The following SLC9C2 variants were observed in gnomAD, a reference collection of about 807,000 sequenced individuals.
SLC9C2 encodes sodium/hydrogen exchanger 11.
SLC9C2 carries 75 observed loss-of-function variants against 140.2 expected under a neutral mutation model. That is an observed-to-expected ratio of 0.53 (90% CI 0.44 to 0.65). The LOEUF (loss-of-function observed/expected upper bound fraction) is 0.65, where lower values mean the gene tolerates loss of function less well. SLC9C2 is among the 30% of genes least tolerant of loss of function. SLC9C2 has a pLI of 0.00. For missense variants in SLC9C2, 1,074 were observed against 1,331.8 expected (o/e 0.81, Z 3.01); for synonymous variants, 375 against 420.9 (o/e 0.89, Z 1.34).
At chr1:173,508,674 G>A (rs144490237) in intron 24 of SLC9C2, among the ~76,000 whole-genome samples, 124 of 152,150 alleles carry the variant, frequency 8.1e-4, no homozygotes, top group Middle Eastern at 3.4e-3. Context: ...ATACCCAGTC[G>A]CTCAGTTCAG....
Position 173,500,747 on chromosome 1 carries a change from C to G in SLC9C2, c.*347G>C, listed in dbSNP as rs1220740559. On this transcript the variant is annotated 3_prime_UTR_variant, in exon 28 of 28. Transcript: ENST00000367714. ...ACAGGTTCTATGCTTTAGAGAGTAA[C>G]ATATCAGTTATACAACACTTTTTAT... 1.2e-5 allele frequency: 2 copies of G among 163,462 alleles called. No homozygotes were observed. Among genetic ancestry groups the G allele is most frequent in the Non-Finnish European group, 2.6e-5 (2 of 75,850 alleles). The allele number at this position is 163,462 out of a possible 1,614,324, so 10.1% of individuals were successfully genotyped here.
rs1661088485 is a variant in SLC9C2, at chr1:173,524,894, A to G, written c.2399T>C (p.Ile800Thr). ...GATTGCCTGTTTAGTCTTCAAAGCA[A>G]TGACAACATCACGACCCTCATGCTC... ...LMEHEGRDVV[I>T]ALKTKQAIRN... The change falls in exon 20 of 28, where the codon ATT becomes ACT. Residue 800 changes from isoleucine (I) to threonine (T), a missense_variant. Ile to Thr is a moderately conservative substitution (Grantham distance 89). Coordinates refer to ENST00000367714, the MANE Select transcript of SLC9C2 (RefSeq NM_178527.4). 5 of 1,614,130 alleles carry G rather than the reference A, an allele frequency of 3.1e-6. No individual in the cohort carries two copies. Among genetic ancestry groups the G allele is most frequent in the South Asian group, 1.1e-5 (1 of 91,074 alleles).
At chr1:173,532,813 G>A (rs906164887) in intron 17 of SLC9C2, among the ~76,000 whole-genome samples, 7 of 152,128 alleles carry the variant, frequency 4.6e-5, no homozygotes, top group Non-Finnish European at 1.0e-4. Flanking sequence ...TTGGGAGGCC[G>A]AAACAGGAGG....
rs118139087 is a variant in SLC9C2, at chr1:173,553,580, C to T, written c.1297+1153G>A. ...AAAAGATTATGAATTGCTGAAGGCTCAGATGATTGTTAGCATTTTTTTAGC... is the reference window on the plus strand; with the variant it reads ...AAAAGATTATGAATTGCTGAAGGCTTAGATGATTGTTAGCATTTTTTTAGC... On this transcript the variant is annotated intron_variant, in intron 11 of 27. Transcript: ENST00000367714. Among the ~76,000 whole-genome samples the T allele has an allele frequency of 1.2e-3, 181 of 152,320 alleles. No homozygotes were observed. In the East Asian group the frequency reaches 0.015, roughly 13 times the overall value.
chr1:173,596,179 C>A (rs1170693019), intron 4 of SLC9C2, among the ~76,000 whole-genome samples: 1 of 151,998 alleles, frequency 6.6e-6, no homozygotes, highest in Non-Finnish European at 1.5e-5. Context: ...TATTCATTCA[C>A]CAATGGAAGA....
chr1:173,506,816 C>T (rs745740494), intron 25 of SLC9C2, 40 bp downstream of exon 25: 12 of 1,539,550 alleles, frequency 7.8e-6, no homozygotes, highest in African/African-American at 1.4e-5. Context: ...TTTGGAGCAC[C>T]GTGAAGAGCA....
chr1:173,576,530 G>T (rs1457994063), intron 8 of SLC9C2, 131 bp downstream of exon 8: 5 of 567,984 alleles, frequency 8.8e-6, no homozygotes, highest in Non-Finnish European at 1.5e-5. Flanking sequence ...AAATATAACT[G>T]ATAGCAAAAA....
Position 173,517,559 on chromosome 1 carries a change from A to C in SLC9C2, c.2885T>G (p.Val962Gly). 1 of 1,609,400 alleles carries C rather than the reference A, an allele frequency of 6.2e-7. No individual in the cohort carries two copies. Among genetic ancestry groups the C allele is most frequent in the Non-Finnish European group, 8.5e-7 (1 of 1,178,732 alleles). The change falls in exon 23 of 28, where the codon GTC (valine) becomes GGC (glycine). Residue 962 changes from valine to glycine, a missense_variant. By Grantham distance (109) the Val-to-Gly change is moderately radical. Transcript: ENST00000367714. ...TACCTGTAAACTAGTTTCACAGATG[A>C]CGGTATATTCAATTTCACGCTTAAG... is the stretch of plus-strand genomic sequence containing the variant. ...CLLKREIEYT[V>G]ICETSLQACF...
intron 4 of SLC9C2, among the ~76,000 whole-genome samples, chr1:173,593,307 G>T (rs2102258839): frequency 6.6e-6 from 1 of 152,234 alleles, no homozygotes; most frequent in East Asian, 1.9e-4. Flanking sequence ...GGATCATGAG[G>T]TCAGGAGTTT....
intron 9 of SLC9C2, among the ~76,000 whole-genome samples, chr1:173,559,564 T>G (rs1663956077): frequency 6.6e-6 from 1 of 152,204 alleles, no homozygotes; most frequent in Non-Finnish European, 1.5e-5. Flanking sequence ...CTGCTGCCAC[T>G]CCCATTTGAC....
At chr1:173,585,540 A>C (rs1332864620) in intron 5 of SLC9C2, among the ~76,000 whole-genome samples, 1 of 152,220 alleles carries the variant, frequency 6.6e-6, no homozygotes, top group Non-Finnish European at 1.5e-5. Flanking sequence ...CATAAAAATA[A>C]GTCAAATTTG....
At chr1:173,583,331 G>C (rs1323586271) in intron 6 of SLC9C2, among the ~76,000 whole-genome samples, 175 bp downstream of exon 6, 2 of 151,976 alleles carry the variant, frequency 1.3e-5, no homozygotes. Flanking sequence ...ATCTGCAGTT[G>C]GTTGAATCCG....
intron 22 of SLC9C2, among the ~76,000 whole-genome samples, chr1:173,520,879 C>A (rs899802061): frequency 2.6e-5 from 4 of 152,162 alleles, no homozygotes; most frequent in African/African-American, 9.7e-5. Flanking sequence ...ACAAAGGATT[C>A]TTGTCCCCAT....
chr1:173,550,448 A>ATTTTTT (rs533259810), intron 11 of SLC9C2, among the ~76,000 whole-genome samples: 1 of 143,842 alleles, frequency 7.0e-6, no homozygotes, highest in African/African-American at 2.7e-5. Flanking sequence ...TTATTTATTT[A>ATTTTTT]TTTATTTTTG....
chr1:173,526,769 GAAATTAAGAA>G, intron 18 of SLC9C2, 55 bp from the exon 19 acceptor site: 1 of 1,228,304 alleles, frequency 8.1e-7, no homozygotes, highest in South Asian at 1.4e-5. Context: ...GTTTCTGTAA[GAAATTAAGAA>G]AAACATGCAT....
At chr1:173,535,249 C>T (rs143428317) in intron 15 of SLC9C2, among the ~76,000 whole-genome samples, 1 of 152,102 alleles carries the variant, frequency 6.6e-6, no homozygotes, top group East Asian at 1.9e-4. Context: ...AGCATTAACG[C>T]CCTTGGTATG....
chr1:173,539,672 C>T (rs140301101), intron 13 of SLC9C2, among the ~76,000 whole-genome samples: 1 of 152,118 alleles, frequency 6.6e-6, no homozygotes, highest in Admixed American at 6.5e-5. Flanking sequence ...GAAGGAGAGA[C>T]TATAAAATAA....
At chr1:173,579,585 C>T (rs1372783910) in intron 7 of SLC9C2, among the ~76,000 whole-genome samples, 3 of 152,196 alleles carry the variant, frequency 2.0e-5, no homozygotes, top group African/African-American at 7.2e-5. Context: ...GTTTAAGGAC[C>T]TTTTACTCCA....
At chr1:173,527,129 G>A (rs572715690) in intron 18 of SLC9C2, among the ~76,000 whole-genome samples, 2 of 152,242 alleles carry the variant, frequency 1.3e-5, no homozygotes, top group East Asian at 3.9e-4. Flanking sequence ...ACAGGCATAA[G>A]CCACCACACC....
Sources: allele counts gnomAD v4.1 joint callset (sites outside exome capture counted in the v4.1 genomes callset), GRCh38; gene constraint gnomAD v4.1.1; transcripts MANE v1.5; gene names NCBI Gene and HGNC (gene_info 2026-07-23, HGNC 2026-07-21).